Variants in CHL1 observed in about 807,000 individuals in gnomAD.
The protein encoded by CHL1 is cell adhesion molecule L1 like.
Under a neutral mutation model 141.9 loss-of-function variants are expected in CHL1, and 96 were observed. That is an observed-to-expected ratio of 0.68 (90% confidence interval 0.57 to 0.80). The LOEUF (loss-of-function observed/expected upper bound fraction) is 0.80, where lower values mean the gene tolerates loss of function less well. Ranked by LOEUF, CHL1 falls within the 30% of genes least tolerant of loss-of-function variation. The probability of loss-of-function intolerance (pLI) is 0.00; values close to 1 mark genes in which losing one functional copy is unlikely to be tolerated. For synonymous variants in CHL1, 613 were observed against 502.2 expected, an observed-to-expected ratio of 1.22 and a Z score of -2.95; for missense variants, 1,820 against 1,457.2, an observed-to-expected ratio of 1.25 and a Z score of -4.05.
At chr3:237,591 T>A (rs1210550893) in intron 1 of CHL1, among the ~76,000 whole-genome samples, 1 of 152,244 alleles carries the variant, frequency 6.6e-6, no homozygotes, top group African/African-American at 2.4e-5. Context: ...GGCACAGGCC[T>A]TGAGGTTACA....
chr3:357,175 A>G (rs1703796306), intron 11 of CHL1, among the ~76,000 whole-genome samples: 1 of 152,216 alleles, frequency 6.6e-6, no homozygotes, highest in South Asian at 2.1e-4. Flanking sequence ...CTGGAATCCA[A>G]GCTCGGTGTT....
At chr3:329,354 A>G (rs1701265228) in intron 5 of CHL1, among the ~76,000 whole-genome samples, 1 of 151,784 alleles carries the variant, frequency 6.6e-6, no homozygotes, top group Admixed American at 6.6e-5. Flanking sequence ...CAGAATGGCC[A>G]CAAACTTCAG....
chr3:293,466 C>T (rs1004870076), intron 2 of CHL1, among the ~76,000 whole-genome samples: 25 of 152,068 alleles, frequency 1.6e-4, no homozygotes, highest in Non-Finnish European at 1.5e-5. Context: ...GATCGAGCCA[C>T]TGCACTCCAG....
At chr3:303,884 T>C (rs1698984209) in intron 2 of CHL1, among the ~76,000 whole-genome samples, 1 of 152,188 alleles carries the variant, frequency 6.6e-6, no homozygotes. Flanking sequence ...CTCTTATTAT[T>C]TTGAGATGTG....
At chr3:285,056 A>T (rs1263080414) in intron 2 of CHL1, among the ~76,000 whole-genome samples, 1 of 152,238 alleles carries the variant, frequency 6.6e-6, no homozygotes, top group Non-Finnish European at 1.5e-5. Flanking sequence ...CACTGGAAAT[A>T]CAAAGCTGTT....
At position 275,407 on chromosome 3, in the gene CHL1, T is replaced by C. The variant is rs17017864; in HGVS notation, c.-95+30715T>C. 4.2e-3 allele frequency among the ~76,000 whole-genome samples: 642 copies of C among 152,346 alleles called. 9 individuals carry two copies. The highest frequency in any genetic ancestry group is 0.015 in the African/African-American group (613 of 41,576). ...TGCATTCCAGTTGTGTATGGGTTCT[T>C]TTAAACTTCATAATATTCTTTTCTT... is the stretch of plus-strand genomic sequence containing the variant. On this transcript the variant is annotated intron_variant, in intron 2 of 27. Coordinates refer to ENST00000256509, the MANE Select transcript of CHL1 (RefSeq NM_006614.4).
At chr3:269,810 G>A (rs1389213441) in intron 2 of CHL1, among the ~76,000 whole-genome samples, 2 of 152,208 alleles carry the variant, frequency 1.3e-5, no homozygotes, top group African/African-American at 2.4e-5. Flanking sequence ...ACAAGGATGA[G>A]CCACCACACT....
chr3:228,435 C>A (rs1008694563), intron 1 of CHL1, among the ~76,000 whole-genome samples: 1 of 152,062 alleles, frequency 6.6e-6, no homozygotes, highest in Middle Eastern at 3.2e-3. Flanking sequence ...GATCCCTGCA[C>A]ATGGATGAAG....
intron 27 of CHL1, among the ~76,000 whole-genome samples, chr3:402,011 C>A (rs367843341): frequency 6.6e-6 from 1 of 152,150 alleles, no homozygotes; most frequent in South Asian, 2.1e-4. Flanking sequence ...ATTATGAACT[C>A]GGGTTCAATC....
intron 15 of CHL1, among the ~76,000 whole-genome samples, chr3:368,878 A>G (rs1223806728): frequency 1.3e-5 from 2 of 152,144 alleles, no homozygotes; most frequent in Admixed American, 6.5e-5. Flanking sequence ...TCGATTTGTC[A>G]GTTTTGTCAA....
intron 15 of CHL1, among the ~76,000 whole-genome samples, 178 bp from the exon 16 acceptor site, chr3:377,640 G>A (rs983367845): frequency 2.0e-5 from 3 of 152,178 alleles, no homozygotes; most frequent in African/African-American, 7.2e-5. Flanking sequence ...GTGTATGCTA[G>A]AATAATTCTT....
chr3:234,726 T>C (rs895957814), intron 1 of CHL1, among the ~76,000 whole-genome samples: 8 of 152,080 alleles, frequency 5.3e-5, no homozygotes, highest in African/African-American at 1.9e-4. Flanking sequence ...TATCCTGAGA[T>C]TGGCTATGTT....
intron 2 of CHL1, among the ~76,000 whole-genome samples, chr3:315,241 C>T (rs1469314505): frequency 6.6e-6 from 1 of 152,274 alleles, no homozygotes; most frequent in Middle Eastern, 3.4e-3. Flanking sequence ...ACTATCACCC[C>T]AGTTTGTACA....
Position 402,565 on chromosome 3 carries a change from A to G in CHL1, c.3458+867A>G, listed in dbSNP as rs115073811. Among the ~76,000 whole-genome samples the G allele has an allele frequency of 8.5e-3, 1,298 of 152,316 alleles. 7 individuals carry two copies. The highest frequency in any genetic ancestry group is 0.027 in the Middle Eastern group (8 of 294). On this transcript the variant is annotated intron_variant, in intron 27 of 27. Coordinates refer to ENST00000256509, the MANE Select transcript of CHL1 (RefSeq NM_006614.4). ...TTTAGCACATGGGAAACCAGAGTTT[A>G]TATTAAAGAAGAAATCTGATTGATC...
chr3:306,715 A>G (rs1699258128), intron 2 of CHL1, among the ~76,000 whole-genome samples: 1 of 152,150 alleles, frequency 6.6e-6, no homozygotes, highest in African/African-American at 2.4e-5. Flanking sequence ...CAAAAAATAA[A>G]CAGTTATGAA....
At position 390,683 on chromosome 3, in the gene CHL1, A is replaced by G. The variant is rs754895434; in HGVS notation, c.2471-18A>G. 3 of 1,369,424 alleles carry G rather than the reference A, an allele frequency of 2.2e-6. No individual in the cohort carries two copies. The highest frequency in any genetic ancestry group is 2.4e-5 in the South Asian group (2 of 84,210). 84.8% of individuals were successfully genotyped at this position (1,369,424 alleles called of 1,614,324 possible). On this transcript the variant is annotated intron_variant, in intron 20 of 27. Transcript: ENST00000256509. ...TTTGCAGGTTATTGAAAACTAATCA[A>G]TCTTCTATGATTAACAGATCCTGAT...
chr3:291,874 G>T (rs115687599), intron 2 of CHL1, among the ~76,000 whole-genome samples: 224 of 152,220 alleles, frequency 1.5e-3, no homozygotes, highest in Non-Finnish European at 2.4e-3. Flanking sequence ...TGGTCCTGTC[G>T]AGTCTCACAG....
intron 2 of CHL1, among the ~76,000 whole-genome samples, chr3:318,551 G>T (rs1383247341): frequency 2.6e-5 from 4 of 151,530 alleles, no homozygotes; most frequent in African/African-American, 7.3e-5. Flanking sequence ...AATTGAAATT[G>T]TAAGAGAAAG....
rs754708398 is a variant in CHL1 at position 360,326 on chromosome 3, G to C, written c.1208G>C (p.Ser403Thr). The change falls in exon 12 of 28, where the codon AGT (serine) becomes ACT (threonine). Residue 403 changes from serine to threonine, a missense_variant. Coordinates refer to ENST00000256509, the MANE Select transcript of CHL1 (RefSeq NM_006614.4). The part of the protein sequence containing the change: ...AGDVVFPREI[S>T]FTNLQPNHTA... ...GATGTTGTCTTCCCCAGGGAAATCAGTTTTACCAACCTTCAACCAAATCAT... is the reference window on the plus strand; with the variant it reads ...GATGTTGTCTTCCCCAGGGAAATCACTTTTACCAACCTTCAACCAAATCAT... 1.2e-6 allele frequency: 2 copies of C among 1,613,832 alleles called. No individual in the cohort carries two copies. Among genetic ancestry groups the C allele is most frequent in the Non-Finnish European group, 1.7e-6 (2 of 1,179,828 alleles).
Sources: allele counts gnomAD v4.1 joint callset (sites outside exome capture counted in the v4.1 genomes callset), GRCh38; gene constraint gnomAD v4.1.1; transcripts MANE v1.5; gene names NCBI Gene and HGNC (gene_info 2026-07-23, HGNC 2026-07-21).